Variants in CLSTN2 observed in about 807,000 individuals in gnomAD.
CLSTN2 encodes calsyntenin 2.
Under a neutral mutation model 101.2 loss-of-function variants are expected in CLSTN2, and 48 were observed. The ratio of observed to expected loss-of-function variants is 0.47; its 90% CI spans 0.38 to 0.60. The LOEUF (loss-of-function observed/expected upper bound fraction) is 0.60. Among genes scored for constraint, CLSTN2 ranks in the 20% least tolerant of loss-of-function variants. The pLI is 0.00. For synonymous variants in CLSTN2, 481 were observed against 463.6 expected (o/e 1.04, Z -0.48); for missense variants, 1,160 against 1,238.2 (o/e 0.94, Z 0.95).
chr3:140,377,042 A>AGAGAGAGAGAGAGAGAGGATGTG (rs143529942), intron 2 of CLSTN2, among the ~76,000 whole-genome samples: 2 of 149,688 alleles, frequency 1.3e-5, no homozygotes, highest in African/African-American at 4.9e-5. Flanking sequence ...GAGAGAGAGG[A>AGAGAGAGAGAGAGAGAGGATGTG]TGTGTGTGTG....
chr3:139,947,465 C>T (rs1935231730), intron 1 of CLSTN2, among the ~76,000 whole-genome samples: 1 of 152,210 alleles, frequency 6.6e-6, no homozygotes, highest in African/African-American at 2.4e-5. Flanking sequence ...ATTCAGGAAA[C>T]TCACAAAGAT....
At chr3:140,368,688 A>G (rs553622452) in intron 2 of CLSTN2, among the ~76,000 whole-genome samples, 2 of 152,276 alleles carry the variant, frequency 1.3e-5, no homozygotes, top group South Asian at 4.2e-4. Context: ...ACAGAGGTAA[A>G]GAAGAGCCCA....
intron 1 of CLSTN2, among the ~76,000 whole-genome samples, chr3:140,014,578 A>G (rs1471905856): frequency 6.6e-6 from 1 of 152,196 alleles, no homozygotes; most frequent in East Asian, 1.9e-4. Context: ...GAACAAAGAC[A>G]GAAGAAGATG....
chr3:140,016,793 G>GAAAAAAAAAAAAA (rs56040791), intron 1 of CLSTN2, among the ~76,000 whole-genome samples: 6 of 89,278 alleles, frequency 6.7e-5, no homozygotes, highest in Non-Finnish European at 8.0e-5. Flanking sequence ...GTGAGACTCT[G>GAAAAAAAAAAAAA]AAAAAAAAAA....
At chr3:140,484,164 A>T (rs1934189156) in intron 8 of CLSTN2, among the ~76,000 whole-genome samples, 1 of 152,194 alleles carries the variant, frequency 6.6e-6, no homozygotes. Context: ...CCTGGTGGTG[A>T]CAAAAATCTC....
At chr3:140,056,453 T>A (rs1490601733) in intron 1 of CLSTN2, among the ~76,000 whole-genome samples, 1 of 152,202 alleles carries the variant, frequency 6.6e-6, no homozygotes, top group Non-Finnish European at 1.5e-5. Context: ...CTTGTCTGTT[T>A]CTGGCCTGTG....
intron 1 of CLSTN2, among the ~76,000 whole-genome samples, chr3:139,944,376 A>G (rs1267835469): frequency 6.6e-6 from 1 of 152,200 alleles, no homozygotes; most frequent in African/African-American, 2.4e-5. Flanking sequence ...ATTTTGTTGT[A>G]ATTGCTCAGG....
At chr3:140,009,899 C>G (rs1177322042) in intron 1 of CLSTN2, among the ~76,000 whole-genome samples, 1 of 152,184 alleles carries the variant, frequency 6.6e-6, no homozygotes, top group East Asian at 1.9e-4. Flanking sequence ...GGGTCTTCAC[C>G]CACGCTGTTG....
At chr3:140,456,295 G>A (rs1455046776) in intron 6 of CLSTN2, among the ~76,000 whole-genome samples, 1 of 152,152 alleles carries the variant, frequency 6.6e-6, no homozygotes, top group African/African-American at 2.4e-5. Flanking sequence ...GGGAAGTCCT[G>A]GTGATGGGTC....
intron 1 of CLSTN2, among the ~76,000 whole-genome samples, chr3:140,025,436 T>C (rs1408524225): frequency 6.6e-6 from 1 of 152,196 alleles, no homozygotes; most frequent in Non-Finnish European, 1.5e-5. Context: ...CACAAGTTGC[T>C]CATCCTGCCT....
intron 1 of CLSTN2, among the ~76,000 whole-genome samples, chr3:139,942,955 C>T (rs1935157346): frequency 1.3e-5 from 2 of 152,198 alleles, no homozygotes; most frequent in East Asian, 1.9e-4. Context: ...CAGTCCTCCC[C>T]AGAGATTGGC....
At chr3:140,120,746 C>T (rs1434446250) in intron 1 of CLSTN2, among the ~76,000 whole-genome samples, 2 of 152,300 alleles carry the variant, frequency 1.3e-5, no homozygotes, top group African/African-American at 2.4e-5. Flanking sequence ...GTCTGTATAT[C>T]GTAAGACCAC....
chr3:140,058,354 C>A (rs2008136801), intron 1 of CLSTN2, among the ~76,000 whole-genome samples: 1 of 152,094 alleles, frequency 6.6e-6, no homozygotes, highest in Non-Finnish European at 1.5e-5. Flanking sequence ...TCACCAGGAT[C>A]TCATTAGGAT....
intron 1 of CLSTN2, among the ~76,000 whole-genome samples, chr3:140,102,161 T>C (rs1239169355): frequency 6.6e-6 from 1 of 152,164 alleles, no homozygotes; most frequent in Non-Finnish European, 1.5e-5. Flanking sequence ...CTGTCTACAG[T>C]TGGGCCAATC....
chr3:140,122,710 T>A (rs76768966), intron 1 of CLSTN2, among the ~76,000 whole-genome samples: 3,096 of 152,278 alleles, frequency 0.02, 102 homozygotes, highest in African/African-American at 0.069. Flanking sequence ...CCCCAAGTGA[T>A]GGGCCTGCCT....
At chr3:140,513,569 CT>C (rs903301305) in intron 8 of CLSTN2, among the ~76,000 whole-genome samples, 4 of 104,712 alleles carry the variant, frequency 3.8e-5, no homozygotes, top group East Asian at 2.8e-4. Flanking sequence ...CTGAAGCTTT[CT>C]TTTTTTTTCT....
chr3:140,169,845 G>A (rs1197574309), intron 1 of CLSTN2, among the ~76,000 whole-genome samples: 1 of 152,068 alleles, frequency 6.6e-6, no homozygotes, highest in East Asian at 1.9e-4. Flanking sequence ...TGGGGTAGGG[G>A]GAGTTATGAG....
rs977669360 is a variant in CLSTN2 at position 140,567,356 on chromosome 3, G to A, written c.*1103G>A. The stretch of plus-strand genomic sequence containing the variant: ...ATTAGAAACGCACGAGCTCCACCAA[G>A]TCTACAATGAAAGTTTGAAATTTAA... On this transcript the variant is annotated 3_prime_UTR_variant, in exon 17 of 17. Transcript: ENST00000458420. 1.3e-5 allele frequency: 2 copies of A among 152,078 alleles called. No individual in the cohort carries two copies. Among genetic ancestry groups the A allele is most frequent in the African/African-American group, 4.8e-5 (2 of 41,396 alleles). The allele number at this position is 152,078 out of a possible 1,614,324, so 9.4% of individuals were successfully genotyped here.
At chr3:140,404,528 C>A (rs758387487) in intron 3 of CLSTN2, 30 bp from the exon 4 acceptor site, 2 of 1,605,754 alleles carry the variant, frequency 1.2e-6, no homozygotes, top group South Asian at 2.2e-5. Flanking sequence ...TTCTTTACCA[C>A]CATCCCTTCC....
Sources: gnomAD v4.1 joint callset for allele counts (sites outside exome capture counted in the v4.1 genomes callset) on GRCh38, gnomAD v4.1.1 for gene constraint, MANE v1.5 for transcripts, NCBI Gene and HGNC (gene_info 2026-07-23, HGNC 2026-07-21) for gene names.